Variants in SMCHD1 observed in about 807,000 individuals in gnomAD.
The protein encoded by SMCHD1 is structural maintenance of chromosomes flexible hinge domain-containing protein 1.
SMCHD1 carries 78 observed loss-of-function variants against 254.7 expected under a neutral mutation model. The observed-to-expected ratio is 0.31, with a 90% CI of 0.26 to 0.37. The LOEUF is 0.37. Ranked by LOEUF, SMCHD1 falls within the 10% of genes least tolerant of loss-of-function variation. The probability of loss-of-function intolerance (pLI) is 1.00; values close to 1 mark genes in which losing one functional copy is unlikely to be tolerated. For missense variants in SMCHD1, 1,840 were observed against 2,408.1 expected (o/e 0.76, Z 4.94); for synonymous variants, 766 against 794.9 (o/e 0.96, Z 0.61).
Position 2,739,457 on chromosome 18 carries a change from T to C in SMCHD1, c.3451T>C (p.Leu1151=), listed in dbSNP as rs759659672. ...VRPLPDEPKH[L]KCEMKGGKTV... ...ACCACTTCCTGATGAACCTAAACATTTAAAATGTGAAATGAAAGGAGGAAA... is the reference window on the plus strand; with the variant it reads ...ACCACTTCCTGATGAACCTAAACATCTAAAATGTGAAATGAAAGGAGGAAA... Residue 1151 remains leucine (L), a synonymous_variant, in exon 27 of 48, where the codon TTA becomes CTA. Coordinates refer to ENST00000320876, the MANE Select transcript of SMCHD1 (RefSeq NM_015295.3). 1 of 1,613,176 alleles carries C rather than the reference T, an allele frequency of 6.2e-7. No homozygotes were observed.
chr18:2,755,803 G>A lies in SMCHD1; in HGVS notation c.4346+3251G>A, dbSNP rs550249726. ...AGGATGATCTCGATCTTCTGACATT[G>A]TGATCCACCCGCCTTGGCCTCCCAA... On this transcript the variant is annotated intron_variant, in intron 34 of 47. Coordinates refer to ENST00000320876, the MANE Select transcript of SMCHD1 (RefSeq NM_015295.3). 3.9e-5 allele frequency among the ~76,000 whole-genome samples: 6 copies of A among 152,070 alleles called. No individual in the cohort carries two copies. In the South Asian group the frequency reaches 6.2e-4, roughly 16 times the overall value.
intron 8 of SMCHD1, among the ~76,000 whole-genome samples, chr18:2,695,600 G>T (rs978058129): frequency 6.6e-6 from 1 of 152,050 alleles, no homozygotes; most frequent in African/African-American, 2.4e-5. Flanking sequence ...GTGAGCCATC[G>T]CGCCCGGCCT....
rs190598323 is a variant in SMCHD1, at chr18:2,780,238, T to C, written c.5547+1999T>C. Among the ~76,000 whole-genome samples, 344 of 69,336 alleles carry C rather than the reference T, an allele frequency of 5.0e-3. 9 individuals are homozygous for C. The highest frequency in any genetic ancestry group is 5.4e-3 in the Non-Finnish European group (218 of 40,306). 45.5% of individuals were successfully genotyped at this position (69,336 alleles called of 152,430 possible). ...CGGGGTGACAGAGCAAGACTCTATCTAAAAAAAAAAAAAAAAAAAAAAAAA... is the reference window on the plus strand; with the variant it reads ...CGGGGTGACAGAGCAAGACTCTATCCAAAAAAAAAAAAAAAAAAAAAAAAA... On this transcript the variant is annotated intron_variant, in intron 44 of 47. Coordinates refer to ENST00000320876, the MANE Select transcript of SMCHD1 (RefSeq NM_015295.3).
In SMCHD1 at chr18:2,703,873, A is replaced by G. The variant is rs1345344385; in HGVS notation, c.1829A>G (p.Lys610Arg). Residue 610 changes from lysine (K) to arginine (R), a missense_variant, in exon 13 of 48, where the codon AAA becomes AGA. Lys to Arg is a conservative substitution (Grantham distance 26, BLOSUM62 2). This residue lies in a region of SMCHD1 where 498 missense variants were observed against 743.5 expected (regional missense o/e 0.67). Transcript: ENST00000320876. The stretch of plus-strand genomic sequence containing the variant: ...ATAGAATGGGATGGAAAGATATACA[A>G]AGCAGGACAGCTGGTAGGTTTAACT... ...AAIEWDGKIYKAGQLVKTIKT... is the reference protein window; with the variant it reads ...AAIEWDGKIYRAGQLVKTIKT... The G allele has an allele frequency of 8.2e-6, 13 of 1,593,512 alleles. No individual in the cohort carries two copies. Among genetic ancestry groups the G allele is most frequent in the African/African-American group, 1.4e-5 (1 of 73,756 alleles).
chr18:2,790,975 G>C (rs955109389), intron 45 of SMCHD1, among the ~76,000 whole-genome samples: 2 of 152,144 alleles, frequency 1.3e-5, no homozygotes, highest in Admixed American at 6.5e-5. Context: ...GTAACTATTT[G>C]TAGATTGTGT....
chr18:2,780,013 G>T (rs214117), intron 44 of SMCHD1, among the ~76,000 whole-genome samples: 10 of 152,068 alleles, frequency 6.6e-5, no homozygotes, highest in East Asian at 1.9e-4. Flanking sequence ...GCCAAGGTAG[G>T]GGATCATTTG....
intron 45 of SMCHD1, among the ~76,000 whole-genome samples, chr18:2,791,492 C>T (rs538142528): frequency 2.0e-5 from 3 of 152,246 alleles, no homozygotes; most frequent in South Asian, 2.1e-4. Context: ...TGCTGTGAGC[C>T]GTGATTGAGC....
rs868155876 is a variant in SMCHD1, at chr18:2,678,859, T to G, written c.638+4714T>G. ...TTTTTGTTTGTTTGTTTTTTTGTTTTTTTTTTTGAGAGGGAGTCTTGCTCT... is the reference window on the plus strand; with the variant it reads ...TTTTTGTTTGTTTGTTTTTTTGTTTGTTTTTTTGAGAGGGAGTCTTGCTCT... On this transcript the variant is annotated intron_variant, in intron 5 of 47. Transcript: ENST00000320876. Among the ~76,000 whole-genome samples the G allele has an allele frequency of 9.3e-3, 1,201 of 129,234 alleles. 24 individuals are homozygous for G. Among genetic ancestry groups the G allele is most frequent in the African/African-American group, 0.031 (1,154 of 37,016 alleles). The allele number at this position is 129,234 out of a possible 152,430, so 84.8% of individuals were successfully genotyped here.
chr18:2,750,587 T>A, intron 32 of SMCHD1, 80 bp downstream of exon 32: 5 of 1,202,506 alleles, frequency 4.2e-6, no homozygotes, highest in Non-Finnish European at 4.6e-6. Flanking sequence ...TTATCCTAGG[T>A]TAAGTGTGCT....
In SMCHD1 at chr18:2,748,048, T is replaced by G. The variant is rs1260725665; in HGVS notation, c.3927+401T>G. On this transcript the variant is annotated intron_variant, in intron 30 of 47. Transcript: ENST00000320876. ...TGGTGAGGCTAAACAAAAAAAGTCT[T>G]GCAGGTACCTATCCTCTACTTATCT... 4.6e-5 allele frequency among the ~76,000 whole-genome samples: 7 copies of G among 152,310 alleles called. No individual in the cohort carries two copies. The East Asian group carries it at 1.2e-3, about 25-fold the overall frequency.
rs938311375 is a variant in SMCHD1 at position 2,802,725 on chromosome 18, A to G, written c.*173A>G. The G allele has an allele frequency of 4.0e-6, 2 of 500,122 alleles. No homozygotes were observed. The highest frequency in any genetic ancestry group is 3.3e-5 in the East Asian group (1 of 29,922). 31.0% of individuals were successfully genotyped at this position (500,122 alleles called of 1,614,324 possible). A position where few individuals can be genotyped will look rare whatever the true frequency, so the allele number is the denominator to read the frequency against. ...AGATGGGACTGGAAACAACCATTCA[A>G]TTTTATGAATCTTACTGGACATTAT... On this transcript the variant is annotated 3_prime_UTR_variant, in exon 48 of 48. Transcript: ENST00000320876.
intron 22 of SMCHD1, 51 bp from the exon 23 acceptor site, chr18:2,728,406 C>G: frequency 5.8e-6 from 9 of 1,554,670 alleles, no homozygotes; most frequent in African/African-American, 1.4e-5. Context: ...TATTTCAGTA[C>G]TTTAGTCTTT....
intron 47 of SMCHD1, 51 bp from the exon 48 acceptor site, chr18:2,802,477 G>T: frequency 6.8e-7 from 1 of 1,463,860 alleles, no homozygotes. Flanking sequence ...GGAATTCAGG[G>T]AAAGGAAACC....
intron 12 of SMCHD1, 136 bp downstream of exon 12, chr18:2,701,054 CAA>C: frequency 1.7e-6 from 1 of 580,754 alleles, no homozygotes. Flanking sequence ...TATGAGCAGT[CAA>C]GTGTTCACAT....
chr18:2,740,887 G>A, intron 28 of SMCHD1, 66 bp downstream of exon 28: 2 of 840,904 alleles, frequency 2.4e-6, no homozygotes, highest in Non-Finnish European at 3.6e-6. Context: ...CAAAAAGTTT[G>A]GGAAAAACTA....
At chr18:2,760,462 A>T in intron 34 of SMCHD1, 190 bp from the exon 35 acceptor site, 1 of 442,722 alleles carries the variant, frequency 2.3e-6, no homozygotes, top group Non-Finnish European at 4.1e-6. Context: ...TTGTAAAAGA[A>T]TGTACAGGTA....
chr18:2,656,555 C>T (rs770042236), intron 1 of SMCHD1, among the ~76,000 whole-genome samples: 1 of 152,202 alleles, frequency 6.6e-6, no homozygotes, highest in Non-Finnish European at 1.5e-5. Flanking sequence ...GTTTGTTGGC[C>T]CTGGGCGAGC....
intron 5 of SMCHD1, among the ~76,000 whole-genome samples, chr18:2,674,410 T>TA (rs113513704): frequency 9.3e-4 from 141 of 152,280 alleles, no homozygotes; most frequent in African/African-American, 3.2e-3. Context: ...CTTTTCCCCT[T>TA]TCCTAACTCT....
In SMCHD1 at chr18:2,779,528, A is replaced by T. The variant is rs115401159; in HGVS notation, c.5547+1289A>T. Among the ~76,000 whole-genome samples, 1,218 of 152,342 alleles carry T rather than the reference A, an allele frequency of 8.0e-3. 15 individuals carry two copies. Among genetic ancestry groups the T allele is most frequent in the African/African-American group, 0.024 (994 of 41,572 alleles). ...GATTTTAACCCTAAAGCCACATGTT[A>T]TAGGCAGTACCCTGGATTGATCTAA... On this transcript the variant is annotated intron_variant, in intron 44 of 47. Transcript: ENST00000320876.
Sources: allele counts gnomAD v4.1 joint callset (sites outside exome capture counted in the v4.1 genomes callset), GRCh38; gene constraint gnomAD v4.1.1; regional missense constraint gnomAD v4.1.1; transcripts MANE v1.5; gene names NCBI Gene and HGNC (gene_info 2026-07-23, HGNC 2026-07-21).